The following CMTM2 variants were observed in gnomAD, a reference collection of about 807,000 sequenced individuals.
CMTM2 encodes CKLF-like MARVEL transmembrane domain-containing protein 2.
Under a neutral mutation model 16.8 loss-of-function variants are expected in CMTM2, and 15 were observed. The ratio of observed to expected loss-of-function variants is 0.89; its 90% CI spans 0.60 to 1.37. The LOEUF is 1.37. Among genes scored for constraint, CMTM2 ranks in the 40% most tolerant of loss-of-function variants. CMTM2 has a pLI of 0.00. For synonymous variants in CMTM2, 117 were observed against 118.7 expected, an observed-to-expected ratio of 0.99 and a Z score of 0.09; for missense variants, 282 against 318.0, an observed-to-expected ratio of 0.89 and a Z score of 0.86.
At chr16:66,580,507 T>C in intron 2 of CMTM2, 2 of 308,542 alleles carry the variant, frequency 6.5e-6, no homozygotes, top group South Asian at 5.6e-5. Context: ...CGAACTCCTG[T>C]GCCAGCTCAC....
chr16:66,579,874 G>A lies in CMTM2; in HGVS notation c.267G>A (p.Glu89=), dbSNP rs761550400. Residue 89 remains glutamate (E), a synonymous_variant, in exon 1 of 4, where the codon GAG becomes GAA. Coordinates refer to ENST00000268595, the MANE Select transcript of CMTM2 (RefSeq NM_144673.3). This position sits in a 1 kb window ranked among gnomAD's most constrained non-coding sequence, Gnocchi z 6.5. The part of the protein sequence containing the change: ...NKEFWLLGHA[E]IKIRSLGCLI... Reference sequence around the variant, plus strand: ...AGTTCTGGCTCTTGGGGCACGCTGAGATCAAGATTCGGAGTTTGGTGAGCT... The same window carrying A: ...AGTTCTGGCTCTTGGGGCACGCTGAAATCAAGATTCGGAGTTTGGTGAGCT... 1.8e-5 allele frequency: 29 copies of A among 1,574,788 alleles called. No homozygotes were observed. The highest frequency in any genetic ancestry group is 3.4e-4 in the Middle Eastern group (2 of 5,852).
At chr16:66,584,374 GCTCT>G (rs1207431650) in intron 2 of CMTM2, among the ~76,000 whole-genome samples, 1 of 151,994 alleles carries the variant, frequency 6.6e-6, no homozygotes, top group Non-Finnish European at 1.5e-5. Context: ...TCTCCCGCTT[GCTCT>G]CTCTCTACAC....
chr16:66,585,606 G>A (rs1047931170), intron 2 of CMTM2, among the ~76,000 whole-genome samples: 1 of 152,132 alleles, frequency 6.6e-6, no homozygotes, highest in East Asian at 1.9e-4. Flanking sequence ...TCCAAAAGTT[G>A]GAGGAGGGAG....
In CMTM2 at chr16:66,584,130, G is replaced by A. The variant is rs370435942; in HGVS notation, c.445-2867G>A. On this transcript the variant is annotated intron_variant, in intron 2 of 3. Coordinates refer to ENST00000268595, the MANE Select transcript of CMTM2 (RefSeq NM_144673.3). ...AGCTCACTGCAACTTCCACCTCCTG[G>A]TTCAAGCATTCTCCTGCCTCAGCCT... is the stretch of plus-strand genomic sequence containing the variant. Among the ~76,000 whole-genome samples, 20 of 152,168 alleles carry A rather than the reference G, an allele frequency of 1.3e-4. No individual in the cohort carries two copies. In the East Asian group the frequency reaches 2.7e-3, roughly 21 times the overall value.
chr16:66,582,799 G>A (rs1405119511), intron 2 of CMTM2, among the ~76,000 whole-genome samples: 3 of 151,974 alleles, frequency 2.0e-5, no homozygotes, highest in East Asian at 1.9e-4. Flanking sequence ...GCATGAACCC[G>A]GGAGGCAGAG....
In CMTM2 at chr16:66,588,057, C is replaced by G. The variant is rs759672074; in HGVS notation, c.685C>G (p.Pro229Ala). Residue 229 changes from proline (P) to alanine (A), a missense_variant, in exon 4 of 4, where the codon CCA becomes GCA. By Grantham distance (27) the Pro-to-Ala change is conservative. Transcript: ENST00000268595. ...AAAAGGACCCCAGCAGGGCAAGGGA[C>G]CAGAACCCGCCAAGCCACCAGAACC... ...KEKGPQQGKG[P>A]EPAKPPEPGK... 6.2e-7 allele frequency: 1 copy of G among 1,613,592 alleles called. No individual in the cohort carries two copies.
rs772775533 is a variant in CMTM2, at chr16:66,587,904, C to T, written c.547-15C>T. ...AATGAAAAGCAAAAGTCATGAGGAC[C>T]GTTTTGTTTTCCAGATCCTTATTGG... On this transcript the variant is annotated splice_polypyrimidine_tract_variant and intron_variant, in intron 3 of 3. Coordinates refer to ENST00000268595, the MANE Select transcript of CMTM2 (RefSeq NM_144673.3). 4.0e-5 allele frequency: 64 copies of T among 1,613,282 alleles called. No individual in the cohort carries two copies. In the Middle Eastern group the frequency reaches 8.4e-4, roughly 21 times the overall value.
In CMTM2 at chr16:66,579,509, G is replaced by C. The variant is rs1164708945; in HGVS notation, c.-99G>C. 3.4e-6 allele frequency: 5 copies of C among 1,476,600 alleles called. No homozygotes were observed. Among genetic ancestry groups the C allele is most frequent in the Non-Finnish European group, 4.6e-6 (5 of 1,090,666 alleles). 91.5% of individuals were successfully genotyped at this position (1,476,600 alleles called of 1,614,324 possible). The stretch of plus-strand genomic sequence containing the variant: ...GCTGAGCACGCCCTCTGAGCCGCTC[G>C]GTGGACACCAGGCACTCTAGTAGGC... On this transcript the variant is annotated 5_prime_UTR_variant, in exon 1 of 4. Transcript: ENST00000268595. The surrounding 1 kb of genome is among the most constrained non-coding windows in gnomAD (Gnocchi z 6.5).
At position 66,580,619 on chromosome 16, in the gene CMTM2, T is replaced by A. The variant is rs185203913; in HGVS notation, c.444+435T>A. The A allele has an allele frequency of 2.3e-4, 39 of 167,738 alleles. No individual in the cohort carries two copies. The East Asian group carries it at 5.2e-3, about 22-fold the overall frequency. 10.4% of individuals were successfully genotyped at this position (167,738 alleles called of 1,614,324 possible). The stretch of plus-strand genomic sequence containing the variant: ...AAATAAAACAAAATGGGAATTTTTT[T>A]TAAAAATCACTTCTAAAGCAGCGTT... On this transcript the variant is annotated intron_variant, in intron 2 of 3. Coordinates refer to ENST00000268595, the MANE Select transcript of CMTM2 (RefSeq NM_144673.3).
intron 2 of CMTM2, among the ~76,000 whole-genome samples, chr16:66,583,731 TA>T (rs1260773580): frequency 6.6e-6 from 1 of 152,134 alleles, no homozygotes; most frequent in African/African-American, 2.4e-5. Context: ...AATTTCAACC[TA>T]ACATGGGTTT....
At chr16:66,586,411 G>A (rs34583776) in intron 2 of CMTM2, among the ~76,000 whole-genome samples, 4 of 152,196 alleles carry the variant, frequency 2.6e-5, no homozygotes, top group African/African-American at 9.7e-5. Context: ...GCCGAGGAAG[G>A]CAGATCGCTT....
Position 66,588,176 on chromosome 16 carries a change from C to T in CMTM2, c.*57C>T. 1 of 1,467,920 alleles carries T rather than the reference C, an allele frequency of 6.8e-7. No individual in the cohort carries two copies. Among genetic ancestry groups the T allele is most frequent in the South Asian group, 1.2e-5 (1 of 86,166 alleles). 90.9% of individuals were successfully genotyped at this position (1,467,920 alleles called of 1,614,324 possible). On this transcript the variant is annotated 3_prime_UTR_variant, in exon 4 of 4. Coordinates refer to ENST00000268595, the MANE Select transcript of CMTM2 (RefSeq NM_144673.3). ...AGTGTATTTTACAGCAATATGTTTC[C>T]ACTCTCTTCCTTGTCTTCTTTCTGG...
chr16:66,584,325 C>T (rs2014767407), intron 2 of CMTM2, among the ~76,000 whole-genome samples: 1 of 151,864 alleles, frequency 6.6e-6, no homozygotes, highest in Non-Finnish European at 1.5e-5. Context: ...TGAGCCACCA[C>T]ACCCAGCCAG....
intron 2 of CMTM2, among the ~76,000 whole-genome samples, chr16:66,583,105 C>T (rs958582443): frequency 6.6e-6 from 1 of 152,162 alleles, no homozygotes; most frequent in African/African-American, 2.4e-5. Flanking sequence ...AGAGAATCTA[C>T]AGTCAAATCA....
At chr16:66,585,597 C>T (rs556692717) in intron 2 of CMTM2, among the ~76,000 whole-genome samples, 1 of 152,194 alleles carries the variant, frequency 6.6e-6, no homozygotes, top group African/African-American at 2.4e-5. Context: ...ACATCAGCTT[C>T]CAAAAGTTGG....
Position 66,588,154 on chromosome 16 carries a change from G to A in CMTM2, c.*35G>A. ...GGCTCCTGGTGTCTGAAACGGCAGT[G>A]TATTTTACAGCAATATGTTTCCACT... is the stretch of plus-strand genomic sequence containing the variant. On this transcript the variant is annotated 3_prime_UTR_variant, in exon 4 of 4. Coordinates refer to ENST00000268595, the MANE Select transcript of CMTM2 (RefSeq NM_144673.3). The A allele has an allele frequency of 6.3e-7, 1 of 1,580,772 alleles. No homozygotes were observed. Among genetic ancestry groups the A allele is most frequent in the Non-Finnish European group, 8.7e-7 (1 of 1,153,070 alleles).
intron 2 of CMTM2, among the ~76,000 whole-genome samples, chr16:66,583,066 C>A (rs1429888513): frequency 6.6e-6 from 1 of 152,030 alleles, no homozygotes; most frequent in Non-Finnish European, 1.5e-5. Context: ...GAGGAAAAAT[C>A]TAATAGAATT....
At position 66,579,919 on chromosome 16, in the gene CMTM2, G is replaced by A. The variant is rs756538946; in HGVS notation, c.285+27G>A. ...TGAGCTAAACTGGTATCCCTGGGTG[G>A]GGGGCCTTGGCCGAGGGTGGGGGGA... is the stretch of plus-strand genomic sequence containing the variant. On this transcript the variant is annotated intron_variant, in intron 1 of 3. Coordinates refer to ENST00000268595, the MANE Select transcript of CMTM2 (RefSeq NM_144673.3). The surrounding 1 kb of genome is among the most constrained non-coding windows in gnomAD (Gnocchi z 6.5). 3.1e-6 allele frequency: 5 copies of A among 1,611,094 alleles called. No individual in the cohort carries two copies. Among genetic ancestry groups the A allele is most frequent in the East Asian group, 2.2e-5 (1 of 44,808 alleles).
In CMTM2 at chr16:66,588,039, C is replaced by T; in HGVS notation, c.667C>T (p.Pro223Ser). 1 of 1,613,900 alleles carries T rather than the reference C, an allele frequency of 6.2e-7. No homozygotes were observed. The highest frequency in any genetic ancestry group is 8.5e-7 in the Non-Finnish European group (1 of 1,180,024). The change falls in exon 4 of 4, where the codon CCC becomes TCC. Residue 223 changes from proline (P) to serine (S), a missense_variant. Physicochemically the swap from Pro to Ser is moderately conservative, Grantham distance 74 (BLOSUM62 -1). Coordinates refer to ENST00000268595, the MANE Select transcript of CMTM2 (RefSeq NM_144673.3). ...LVPPPGKEKGPQQGKGPEPAK... is the reference protein window; with the variant it reads ...LVPPPGKEKGSQQGKGPEPAK... ...TCCTCCTCCAGGAAAGGAAAAAGGA[C>T]CCCAGCAGGGCAAGGGACCAGAACC...
Sources: allele counts gnomAD v4.1 joint callset (sites outside exome capture counted in the v4.1 genomes callset), GRCh38; gene constraint gnomAD v4.1.1; non-coding constraint Gnocchi (gnomAD v3.1); transcripts MANE v1.5; gene names NCBI Gene and HGNC (gene_info 2026-07-23, HGNC 2026-07-21).